WWOX: variants seen among roughly 807,000 people sequenced by gnomAD.
The protein encoded by WWOX is WW domain containing oxidoreductase, also known as WW domain-containing oxidoreductase.
In WWOX, 69 loss-of-function variants were observed where a neutral mutation model predicts 46.2. That is an observed-to-expected ratio of 1.49 (90% CI 1.23 to 1.82). The LOEUF is 1.82. Ranked by LOEUF, WWOX falls within the 40% of genes most tolerant of loss-of-function variation. The probability of loss-of-function intolerance (pLI) is 0.00; values close to 1 mark genes in which losing one functional copy is unlikely to be tolerated. For missense variants in WWOX, 919 were observed against 542.6 expected, an observed-to-expected ratio of 1.69 and a Z score of -6.89; for synonymous variants, 359 against 202.6, an observed-to-expected ratio of 1.77 and a Z score of -6.56.
chr16:78,803,477 C>T (rs117166231), intron 8 of WWOX, among the ~76,000 whole-genome samples: 5,015 of 152,136 alleles, frequency 0.033, 101 homozygotes, highest in Non-Finnish European at 0.048. Context: ...GACAGGGTCT[C>T]GCTGTGTTGC....
chr16:78,417,510 C>T (rs1010037939), intron 6 of WWOX, among the ~76,000 whole-genome samples: 1 of 151,476 alleles, frequency 6.6e-6, no homozygotes, highest in East Asian at 1.9e-4. Context: ...AGTTAGTACT[C>T]AAAAAAGGAA....
intron 8 of WWOX, among the ~76,000 whole-genome samples, chr16:78,788,043 A>G (rs983960339): frequency 1.3e-5 from 2 of 152,236 alleles, no homozygotes; most frequent in Non-Finnish European, 2.9e-5. Context: ...TTTGGATACT[A>G]GACCCTTATC....
chr16:78,494,207 A>G (rs2084854557), intron 8 of WWOX, among the ~76,000 whole-genome samples: 3 of 152,292 alleles, frequency 2.0e-5, no homozygotes, highest in African/African-American at 7.2e-5. Flanking sequence ...CTTTCACAAG[A>G]CAGCACTAGG....
Position 78,618,556 on chromosome 16 carries a change from TA to T in WWOX, c.1056+185808del, listed in dbSNP as rs148921573. 3.0e-3 allele frequency among the ~76,000 whole-genome samples: 460 copies of T among 152,262 alleles called. 3 individuals carry two copies. The highest frequency in any genetic ancestry group is 0.011 in the African/African-American group (438 of 41,566). On this transcript the variant is annotated intron_variant, in intron 8 of 8. Transcript: ENST00000566780. ...ACTTTATTTTACCTGAACTGTCTCTTAAAAGGCTCTGTCTCCAAACACAGTC... is the reference window on the plus strand; with the variant it reads ...ACTTTATTTTACCTGAACTGTCTCTTAAAGGCTCTGTCTCCAAACACAGTC...
At chr16:78,506,362 G>C (rs1230774715) in intron 8 of WWOX, 2 of 152,218 alleles carry the variant, frequency 1.3e-5, no homozygotes, top group Non-Finnish European at 2.9e-5. Context: ...AGCAGAGCTC[G>C]AGTGCTTATA....
At chr16:78,753,062 A>G (rs751988350) in intron 8 of WWOX, among the ~76,000 whole-genome samples, 7 of 152,196 alleles carry the variant, frequency 4.6e-5, no homozygotes, top group Non-Finnish European at 8.8e-5. Flanking sequence ...TGGGAGGCCG[A>G]GGCGGGTGGA....
intron 8 of WWOX, among the ~76,000 whole-genome samples, chr16:78,911,178 A>T (rs1353877985): frequency 1.3e-5 from 2 of 151,868 alleles, no homozygotes; most frequent in African/African-American, 4.8e-5. Context: ...CCTCCACCAC[A>T]CCAGCCCACT....
chr16:78,689,578 A>C (rs148855093), intron 8 of WWOX, among the ~76,000 whole-genome samples: 51 of 152,212 alleles, frequency 3.4e-4, no homozygotes, highest in African/African-American at 1.2e-3. Context: ...TTCACCCTTC[A>C]TGTCTGATCA....
At chr16:78,834,653 T>A (rs2051927200) in intron 8 of WWOX, among the ~76,000 whole-genome samples, 1 of 152,204 alleles carries the variant, frequency 6.6e-6, no homozygotes, top group Non-Finnish European at 1.5e-5. Context: ...TTGATCTTTC[T>A]TGAACATTCC....
chr16:78,331,282 C>T (rs556734369), intron 5 of WWOX, among the ~76,000 whole-genome samples: 2 of 152,094 alleles, frequency 1.3e-5, no homozygotes, highest in South Asian at 2.1e-4. Context: ...GAAGTCACGT[C>T]GATTTTCAAA....
At chr16:78,912,534 C>T (rs1294995237) in intron 8 of WWOX, among the ~76,000 whole-genome samples, 1 of 152,004 alleles carries the variant, frequency 6.6e-6, no homozygotes, top group Non-Finnish European at 1.5e-5. Flanking sequence ...TCCGCTCTTC[C>T]CTGAGTGCCT....
chr16:78,751,155 T>A (rs2049466538), intron 8 of WWOX, among the ~76,000 whole-genome samples: 1 of 152,096 alleles, frequency 6.6e-6, no homozygotes, highest in Non-Finnish European at 1.5e-5. Context: ...AAAAAGAATT[T>A]GACTCAAAAG....
At chr16:78,833,052 C>G (rs1387524312) in intron 8 of WWOX, among the ~76,000 whole-genome samples, 2 of 99,746 alleles carry the variant, frequency 2.0e-5, no homozygotes, top group African/African-American at 7.4e-5. Flanking sequence ...TTTTTTTTTT[C>G]CTTTCTTAAG....
chr16:78,563,644 TATTAA>T (rs1465545955), intron 8 of WWOX, among the ~76,000 whole-genome samples: 1 of 151,994 alleles, frequency 6.6e-6, no homozygotes, highest in Non-Finnish European at 1.5e-5. Flanking sequence ...GAATAAACTA[TATTAA>T]ATTATCCAGG....
intron 8 of WWOX, among the ~76,000 whole-genome samples, chr16:78,591,140 T>A (rs563156176): frequency 9.2e-5 from 14 of 152,306 alleles, no homozygotes; most frequent in African/African-American, 3.4e-4. Context: ...TCCCTCAGTT[T>A]CACCCCCCTT....
chr16:79,075,372 C>G (rs2048635526), intron 8 of WWOX, among the ~76,000 whole-genome samples: 2 of 152,208 alleles, frequency 1.3e-5, no homozygotes, highest in Admixed American at 1.3e-4. Flanking sequence ...ACCACCTTAA[C>G]CTAGAAACCT....
At chr16:78,690,768 A>G (rs144117361) in intron 8 of WWOX, among the ~76,000 whole-genome samples, 1,887 of 152,302 alleles carry the variant, frequency 0.012, 20 homozygotes, top group South Asian at 0.036. Context: ...TTATTTAAGC[A>G]CTGCCAGTGA....
At chr16:78,823,729 G>T (rs1009357894) in intron 8 of WWOX, among the ~76,000 whole-genome samples, 3 of 151,896 alleles carry the variant, frequency 2.0e-5, no homozygotes, top group African/African-American at 4.8e-5. Context: ...TAACTTTGCT[G>T]TTTCTCTAAG....
chr16:78,416,564 C>G (rs1291221540), intron 6 of WWOX, among the ~76,000 whole-genome samples: 1 of 152,162 alleles, frequency 6.6e-6, no homozygotes, highest in Non-Finnish European at 1.5e-5. Flanking sequence ...GCCTCCAGGC[C>G]TGTCTTTGGT....
Sources: gnomAD v4.1 joint callset for allele counts (sites outside exome capture counted in the v4.1 genomes callset) on GRCh38, gnomAD v4.1.1 for gene constraint, MANE v1.5 for transcripts, NCBI Gene and HGNC (gene_info 2026-07-23, HGNC 2026-07-21) for gene names.